Variants in SCYL3 observed in about 807,000 individuals in gnomAD.
SCYL3 encodes the protein SCY1 like pseudokinase 3.
A neutral mutation model predicts 73.8 loss-of-function variants in SCYL3; 35 were observed. The ratio of observed to expected loss-of-function variants is 0.47; its 90% confidence interval spans 0.36 to 0.63. The LOEUF is 0.63. SCYL3 is among the 20% of genes least tolerant of loss of function. SCYL3 has a pLI of 0.00. For synonymous variants in SCYL3, 277 were observed against 295.2 expected (o/e 0.94, Z 0.63); for missense variants, 712 against 798.9 (o/e 0.89, Z 1.31).
intron 3 of SCYL3, 50 bp from the exon 4 acceptor site, chr1:169,876,141 T>C (rs781707170): frequency 5.5e-6 from 6 of 1,095,754 alleles, no homozygotes; most frequent in Non-Finnish European, 6.5e-6. Flanking sequence ...GGATCTGAAA[T>C]AGAAATTTAC....
chr1:169,868,411 A>G (rs1483275285), intron 7 of SCYL3, among the ~76,000 whole-genome samples: 1 of 152,224 alleles, frequency 6.6e-6, no homozygotes, highest in Non-Finnish European at 1.5e-5. Context: ...GGGTTCAAAA[A>G]TATCTCTGAA....
chr1:169,880,769 T>TTG (rs1438288726), intron 2 of SCYL3, among the ~76,000 whole-genome samples: 1 of 151,234 alleles, frequency 6.6e-6, no homozygotes, highest in African/African-American at 2.4e-5. Context: ...CCACTTTTTT[T>TTG]TTTTTTTTTT....
At chr1:169,878,187 G>A (rs1660991117) in intron 3 of SCYL3, among the ~76,000 whole-genome samples, 3 of 152,150 alleles carry the variant, frequency 2.0e-5, no homozygotes, top group Admixed American at 2.0e-4. Context: ...GAAAGGAAAG[G>A]ATATGTATGT....
rs757643820 is a variant in SCYL3, at chr1:169,862,663, A to T, written c.1090T>A (p.Tyr364Asn). ...TGCTCCTGAGTGAAGTGCTCCACGTAGGCCTCGATGTGAGACAGCAGCACC... is the reference window on the plus strand; with the variant it reads ...TGCTCCTGAGTGAAGTGCTCCACGTTGGCCTCGATGTGAGACAGCAGCACC... ...RMVLLSHIEAYVEHFTQEQLK... is the reference protein window; with the variant it reads ...RMVLLSHIEANVEHFTQEQLK... The change falls in exon 10 of 13, where the codon TAC (tyrosine) becomes AAC (asparagine). Residue 364 changes from tyrosine (Y) to asparagine (N), a missense_variant. By Grantham distance (143) the Tyr-to-Asn change is moderately radical. Transcript: ENST00000367771. The T allele has an allele frequency of 6.2e-7, 1 of 1,614,154 alleles. No individual in the cohort carries two copies. Among genetic ancestry groups the T allele is most frequent in the Non-Finnish European group, 8.5e-7 (1 of 1,180,024 alleles).
At position 169,866,879 on chromosome 1, in the gene SCYL3, TA is replaced by T. The variant is rs767203246; in HGVS notation, c.815+16del. 1 of 1,376,958 alleles carries T rather than the reference TA, an allele frequency of 7.3e-7. No individual in the cohort carries two copies. The highest frequency in any genetic ancestry group is 1.4e-5 in the African/African-American group (1 of 69,530). The allele number at this position is 1,376,958 out of a possible 1,614,324, so 85.3% of individuals were successfully genotyped here. On this transcript the variant is annotated intron_variant, in intron 8 of 12. Transcript: ENST00000367771. Reference sequence around the variant, plus strand: ...ATCCAAGTTATTCAATTTAAATTCTTAATTTTCTGAACTTACTTAAAGAATT... The same window carrying T: ...ATCCAAGTTATTCAATTTAAATTCTTATTTTCTGAACTTACTTAAAGAATT...
At chr1:169,878,361 T>A (rs1192136464) in intron 3 of SCYL3, among the ~76,000 whole-genome samples, 1 of 152,208 alleles carries the variant, frequency 6.6e-6, no homozygotes, top group Non-Finnish European at 1.5e-5. Flanking sequence ...GGCAAAGAAT[T>A]ATCCAAAACT....
intron 5 of SCYL3, among the ~76,000 whole-genome samples, chr1:169,872,190 C>T (rs1176246515): frequency 6.6e-6 from 1 of 152,232 alleles, no homozygotes; most frequent in Non-Finnish European, 1.5e-5. Context: ...GCCCAGGGTC[C>T]CCATGCTGTG....
chr1:169,861,291 C>G (rs546770876), intron 10 of SCYL3, among the ~76,000 whole-genome samples: 45 of 152,300 alleles, frequency 3.0e-4, no homozygotes, highest in Non-Finnish European at 2.1e-4. Flanking sequence ...AGTTCACAAC[C>G]TACACTTTAA....
chr1:169,864,267 C>A, intron 9 of SCYL3, 102 bp downstream of exon 9: 1 of 1,479,134 alleles, frequency 6.8e-7, no homozygotes, highest in South Asian at 1.2e-5. Context: ...GTTTTTAGAA[C>A]CAAACATTAA....
Position 169,853,148 on chromosome 1 carries a change from T to C in SCYL3, c.*565A>G, listed in dbSNP as rs1041649718. The C allele has an allele frequency of 2.8e-6, 2 of 723,260 alleles. No individual in the cohort carries two copies. The highest frequency in any genetic ancestry group is 4.5e-6 in the Non-Finnish European group (2 of 440,106). The allele number at this position is 723,260 out of a possible 1,614,324, so 44.8% of individuals were successfully genotyped here. On this transcript the variant is annotated 3_prime_UTR_variant, in exon 13 of 13. Transcript: ENST00000367771. The stretch of plus-strand genomic sequence containing the variant: ...AACAGGATTGTGGGGAATATTCTTA[T>C]TAAGAACTTTGGTACAATGTACTAC...
chr1:169,888,748 C>T lies in SCYL3; in HGVS notation c.93G>A (p.Leu31=). 2 of 1,614,034 alleles carry T rather than the reference C, an allele frequency of 1.2e-6. No individual in the cohort carries two copies. The highest frequency in any genetic ancestry group is 1.1e-5 in the South Asian group (1 of 91,080). Residue 31 remains leucine (L), a synonymous_variant, in exon 2 of 13, where the codon CTG becomes CTA. Coordinates refer to ENST00000367771, the MANE Select transcript of SCYL3 (RefSeq NM_020423.7). ...PSGLAVYPAV[L]QDGKFASVFV... ...AAACTGAAGCAAATTTGCCATCTTG[C>T]AGTACAGCGGGATAAACAGCAAGTC...
chr1:169,871,993 C>A (rs1401077782), intron 5 of SCYL3, among the ~76,000 whole-genome samples: 6 of 152,046 alleles, frequency 3.9e-5, no homozygotes, highest in Non-Finnish European at 8.8e-5. Flanking sequence ...CCTGACAATG[C>A]AATAGAAAAG....
chr1:169,852,049 A>G lies in SCYL3; in HGVS notation c.*1664T>C. 1 of 1,439,480 alleles carries G rather than the reference A, an allele frequency of 6.9e-7. No individual in the cohort carries two copies. The highest frequency in any genetic ancestry group is 9.6e-7 in the Non-Finnish European group (1 of 1,036,464). The allele number at this position is 1,439,480 out of a possible 1,614,324, so 89.2% of individuals were successfully genotyped here. On this transcript the variant is annotated 3_prime_UTR_variant, in exon 13 of 13. Coordinates refer to ENST00000367771, the MANE Select transcript of SCYL3 (RefSeq NM_020423.7). ...CAGCCTTATGCTGAATTTCAAATCA[A>G]ATAGATCTAGACATGTAAAATTCTG...
At position 169,870,274 on chromosome 1, in the gene SCYL3, G is replaced by A; in HGVS notation, c.606C>T (p.Leu202=). ...FSFGTLVESL[L]TILNEQVSAD... ...ACTCACCCTGTTCATTTAAGATTGT[G>A]AGCAAACTTTCCACCAATGTTCCAA... Residue 202 remains leucine (L), a synonymous_variant, in exon 6 of 13, where the codon CTC becomes CTT. Coordinates refer to ENST00000367771, the MANE Select transcript of SCYL3 (RefSeq NM_020423.7). 1 of 1,613,052 alleles carries A rather than the reference G, an allele frequency of 6.2e-7. No homozygotes were observed. The highest frequency in any genetic ancestry group is 8.5e-7 in the Non-Finnish European group (1 of 1,179,270).
intron 5 of SCYL3, among the ~76,000 whole-genome samples, chr1:169,870,914 A>G (rs1209429607): frequency 1.3e-5 from 2 of 152,234 alleles, no homozygotes; most frequent in Non-Finnish European, 2.9e-5. Context: ...AGTTGAGTTC[A>G]TATTTCCTGT....
At chr1:169,892,893 T>C (rs1662183861) in intron 1 of SCYL3, among the ~76,000 whole-genome samples, 1 of 152,200 alleles carries the variant, frequency 6.6e-6, no homozygotes, top group African/African-American at 2.4e-5. Context: ...CTCCCTTAGC[T>C]TGAAAGTTCC....
Position 169,853,113 on chromosome 1 carries a change from A to G in SCYL3, c.*600T>C. The stretch of plus-strand genomic sequence containing the variant: ...ATCTAGTGAAAATAATCTTTATTTG[A>G]CATTTAGAGAACAGGATTGTGGGGA... On this transcript the variant is annotated 3_prime_UTR_variant, in exon 13 of 13. Coordinates refer to ENST00000367771, the MANE Select transcript of SCYL3 (RefSeq NM_020423.7). 1.1e-6 allele frequency: 1 copy of G among 870,114 alleles called. No homozygotes were observed. The highest frequency in any genetic ancestry group is 1.7e-5 in the South Asian group (1 of 57,834). 53.9% of individuals were successfully genotyped at this position (870,114 alleles called of 1,614,324 possible).
chr1:169,861,686 A>G (rs1217238570), intron 10 of SCYL3, among the ~76,000 whole-genome samples: 1 of 152,234 alleles, frequency 6.6e-6, no homozygotes, highest in Admixed American at 6.5e-5. Context: ...GCTCCTTGAA[A>G]GCAGAGAGAA....
At chr1:169,856,870 T>C (rs1269854751) in intron 11 of SCYL3, among the ~76,000 whole-genome samples, 1 of 152,246 alleles carries the variant, frequency 6.6e-6, no homozygotes, top group Non-Finnish European at 1.5e-5. Flanking sequence ...AGGAAGCCAA[T>C]GTTGCTTTAA....
Sources: gnomAD v4.1 joint callset for allele counts (sites outside exome capture counted in the v4.1 genomes callset) on GRCh38, gnomAD v4.1.1 for gene constraint, MANE v1.5 for transcripts, NCBI Gene and HGNC (gene_info 2026-07-23, HGNC 2026-07-21) for gene names.